Variants in F12 observed in about 807,000 individuals in gnomAD.
The protein encoded by F12 is Hageman factor.
Under a neutral mutation model 74.8 loss-of-function variants are expected in F12, and 70 were observed. The observed-to-expected ratio is 0.94, with a 90% CI of 0.77 to 1.14. The LOEUF (loss-of-function observed/expected upper bound fraction) is 1.14. F12 is among the 50% of genes most tolerant of loss of function. The pLI is 0.00. For synonymous variants in F12, 373 were observed against 356.4 expected (o/e 1.05, Z -0.52); for missense variants, 811 against 835.7 (o/e 0.97, Z 0.36).
rs767467911 is a variant in F12 at position 177,404,230 on chromosome 5, C to G, written c.984G>C (p.Thr328=). ...TCTGGGACTGAGGCGGGGTCCGGGTCGTGGGCTGAGGCTTCGGCGGTGCCG... is the reference window on the plus strand; with the variant it reads ...TCTGGGACTGAGGCGGGGTCCGGGTGGTGGGCTGAGGCTTCGGCGGTGCCG... The part of the protein sequence containing the change: ...AQPAPPKPQP[T]TRTPPQSQTP... Residue 328 remains threonine, a synonymous_variant, in exon 9 of 14, where the codon ACG becomes ACC. Coordinates refer to ENST00000253496, the MANE Select transcript of F12 (RefSeq NM_000505.4). 35 of 1,602,810 alleles carry G rather than the reference C, an allele frequency of 2.2e-5. No individual in the cohort carries two copies. In the South Asian group the frequency reaches 3.9e-4, roughly 18 times the overall value.
At chr5:177,402,992 T>C (rs1016795690) in intron 12 of F12, 8 of 669,740 alleles carry the variant, frequency 1.2e-5, no homozygotes, top group African/African-American at 5.5e-5. Flanking sequence ...GCGTCCTAGT[T>C]GGCCTTTGCA....
At chr5:177,404,969 C>T in intron 6 of F12, 55 bp from the exon 7 acceptor site, 1 of 1,586,564 alleles carries the variant, frequency 6.3e-7, no homozygotes, top group Non-Finnish European at 8.5e-7. Flanking sequence ...CCCCAGAGAG[C>T]TCTCCTTCCT....
chr5:177,402,677 A>G lies in F12; in HGVS notation c.1553T>C (p.Phe518Ser), dbSNP rs752701059. The change falls in exon 13 of 14, where the codon TTC (phenylalanine) becomes TCC (serine). Residue 518 changes from phenylalanine to serine, a missense_variant. Phe to Ser is a radical substitution (Grantham distance 155, BLOSUM62 -2). Coordinates refer to ENST00000253496, the MANE Select transcript of F12 (RefSeq NM_000505.4). ...QFEGAEEYASFLQEAQVPFLS... is the reference protein window; with the variant it reads ...QFEGAEEYASSLQEAQVPFLS... ...GAACGGTACCTGCGCCTCCTGCAGG[A>G]AGCTGGCATATTCCTCCGCCCCTGC... The G allele has an allele frequency of 3.2e-5, 52 of 1,611,996 alleles. No individual in the cohort carries two copies. The highest frequency in any genetic ancestry group is 4.2e-5 in the Non-Finnish European group (49 of 1,180,004).
intron 2 of F12, among the ~76,000 whole-genome samples, chr5:177,408,752 G>A (rs1763343556): frequency 6.6e-6 from 1 of 152,254 alleles, no homozygotes; most frequent in South Asian, 2.1e-4. Flanking sequence ...GACGTACTGG[G>A]GAAAGGAAAA....
At chr5:177,406,114 C>T (rs1763284625) in intron 2 of F12, 53 bp from the exon 3 acceptor site, 2 of 1,487,704 alleles carry the variant, frequency 1.3e-6, no homozygotes, top group Non-Finnish European at 1.9e-6. Flanking sequence ...ACTGCTCAGG[C>T]ACTGTCCCTC....
In F12 at chr5:177,405,336, G is replaced by T; in HGVS notation, c.384C>A (p.Asn128Lys). 3 of 1,614,132 alleles carry T rather than the reference G, an allele frequency of 1.9e-6. No homozygotes were observed. The South Asian group carries it at 3.3e-5, about 18-fold the overall frequency. ...ACATCTCCTCACCTTTCTGGCAGTG[G>T]TTTCCAGTGAGGTGTTGTGGACAGA... ...HCLCPQHLTG[N>K]HCQKEKCFEP... is the part of the protein sequence containing the mutation. Residue 128 changes from asparagine to lysine, a missense_variant, in exon 5 of 14, where the codon AAC (asparagine) becomes AAA (lysine). Transcript: ENST00000253496.
At position 177,404,579 on chromosome 5, in the gene F12, C is replaced by T. The variant is rs1429841456; in HGVS notation, c.720G>A (p.Pro240=). ...RTTLSGAPCQ[P]WASEATYRNV... is the part of the protein sequence containing the mutation. Reference sequence around the variant, plus strand: ...TCCGGTAGGTGGCCTCCGAGGCCCACGGCTGACAGGGCGCACCCGAGAGCG... The same window carrying T: ...TCCGGTAGGTGGCCTCCGAGGCCCATGGCTGACAGGGCGCACCCGAGAGCG... The change falls in exon 8 of 14, where the codon CCG becomes CCA. Residue 240 remains proline, a synonymous_variant. Coordinates refer to ENST00000253496, the MANE Select transcript of F12 (RefSeq NM_000505.4). 3 of 1,607,954 alleles carry T rather than the reference C, an allele frequency of 1.9e-6. No homozygotes were observed. Among genetic ancestry groups the T allele is most frequent in the East Asian group, 2.2e-5 (1 of 44,736 alleles).
Position 177,404,524 on chromosome 5 carries a change from C to T in F12, c.775G>A (p.Gly259Arg), listed in dbSNP as rs1763235664. 8.8e-6 allele frequency: 14 copies of T among 1,597,460 alleles called. No homozygotes were observed. Among genetic ancestry groups the T allele is most frequent in the Non-Finnish European group, 1.2e-5 (14 of 1,172,906 alleles). The change falls in exon 8 of 14, where the codon GGA becomes AGA. Residue 259 changes from glycine (G) to arginine (R), a missense_variant. By Grantham distance (125) the Gly-to-Arg change is moderately radical. Coordinates refer to ENST00000253496, the MANE Select transcript of F12 (RefSeq NM_000505.4). ...NVTAEQARNWGLGGHAFCRNP... is the reference protein window; with the variant it reads ...NVTAEQARNWRLGGHAFCRNP... ...CGGCAGAAGGCGTGGCCGCCCAGTC[C>T]CCAGTTCCGCGCTTGCTCGGCAGTC...
In F12 at chr5:177,402,466, C is replaced by G. The variant is rs367745133; in HGVS notation, c.1681-7G>C. On this transcript the variant is annotated splice_region_variant and splice_polypyrimidine_tract_variant and intron_variant, in intron 13 of 13. Transcript: ENST00000253496. ...GCGGGCCTCCGGAATCACCCTGGGT[C>G]GGAAACACGCAGCTCAGCGCTGTGG... The G allele has an allele frequency of 6.2e-7, 1 of 1,602,784 alleles. No homozygotes were observed. Among genetic ancestry groups the G allele is most frequent in the East Asian group, 2.3e-5 (1 of 43,998 alleles).
chr5:177,406,502 A>C (rs1433376872), intron 2 of F12, among the ~76,000 whole-genome samples: 2 of 152,098 alleles, frequency 1.3e-5, no homozygotes, highest in African/African-American at 4.8e-5. Context: ...GAAAAAAAAA[A>C]AAACTTGGGT....
At position 177,404,101 on chromosome 5, in the gene F12, G is replaced by A; in HGVS notation, c.1019-11C>T. 1 of 1,601,402 alleles carries A rather than the reference G, an allele frequency of 6.2e-7. No homozygotes were observed. The highest frequency in any genetic ancestry group is 1.7e-5 in the Admixed American group (1 of 58,986). ...GCTTCGCCGGCAAGGCTGTGGAGGA[G>A]CAGGGGCTGAGGACGGAGAGCCCGC... On this transcript the variant is annotated splice_polypyrimidine_tract_variant and intron_variant, in intron 9 of 13. Transcript: ENST00000253496.
chr5:177,404,898 C>A lies in F12; in HGVS notation c.546G>T (p.Pro182=). 6.2e-7 allele frequency: 1 copy of A among 1,605,604 alleles called. No homozygotes were observed. The highest frequency in any genetic ancestry group is 8.5e-7 in the Non-Finnish European group (1 of 1,177,696). Reference sequence around the variant, plus strand: ...CTAGGCAGCGACCCCCATGGAGGCACGGGTTGGTGCGGCAGGCTTGGGGAG... The same window carrying A: ...CTAGGCAGCGACCCCCATGGAGGCAAGGGTTGGTGCGGCAGGCTTGGGGAG... ...RLASQACRTN[P]CLHGGRCLEV... Residue 182 remains proline (P), a synonymous_variant, in exon 7 of 14, where the codon CCG becomes CCT. Coordinates refer to ENST00000253496, the MANE Select transcript of F12 (RefSeq NM_000505.4).
Position 177,402,543 on chromosome 5 carries a change from A to T in F12, c.1680+7T>A. ...GGGGAAGGGCGCCAACCGGGCTAAG[A>T]GCTCACCTGGCACGCATCGGTGCCG... On this transcript the variant is annotated splice_region_variant and intron_variant, in intron 13 of 13. Transcript: ENST00000253496. 3.1e-6 allele frequency: 5 copies of T among 1,609,892 alleles called. No individual in the cohort carries two copies. Among genetic ancestry groups the T allele is most frequent in the Non-Finnish European group, 4.2e-6 (5 of 1,178,592 alleles).
chr5:177,405,558 A>G (rs1763269619), intron 4 of F12, 125 bp from the exon 5 acceptor site: 1 of 1,249,770 alleles, frequency 8.0e-7, no homozygotes, highest in Non-Finnish European at 1.1e-6. Context: ...TGGTTTACCC[A>G]CCTGCAAAAT....
At chr5:177,405,899 CAGA>C in intron 3 of F12, 60 bp downstream of exon 3, 2 of 1,597,430 alleles carry the variant, frequency 1.3e-6, no homozygotes, top group Non-Finnish European at 1.7e-6. Context: ...GTTCCTTGGA[CAGA>C]AGGACAGGCA....
Position 177,409,481 on chromosome 5 carries a change from G to A in F12, c.47C>T (p.Ser16Leu). The A allele has an allele frequency of 6.2e-7, 1 of 1,614,018 alleles. No individual in the cohort carries two copies. The highest frequency in any genetic ancestry group is 8.5e-7 in the Non-Finnish European group (1 of 1,180,004). ...LLGFLLVSLE[S>L]TLSIPPWEAP... is the part of the protein sequence containing the mutation. The stretch of plus-strand genomic sequence containing the variant: ...TCCCACAGCACTCACCGAAAGTGTT[G>A]ACTCCAAGCTCACCAGCAGGAACCC... The change falls in exon 1 of 14, where the codon TCA becomes TTA. Residue 16 changes from serine to leucine, a missense_variant. Transcript: ENST00000253496.
At position 177,404,179 on chromosome 5, in the gene F12, C is replaced by G. The variant is rs767378029; in HGVS notation, c.1018+17G>C. 11 of 1,590,298 alleles carry G rather than the reference C, an allele frequency of 6.9e-6. No homozygotes were observed. The highest frequency in any genetic ancestry group is 7.7e-6 in the Non-Finnish European group (9 of 1,168,072). ...CGGCGCCCTCTCGGCTCCTCCTTCC[C>G]CCCCCCACTTCCTAACCTCCCGGGG... is the stretch of plus-strand genomic sequence containing the variant. On this transcript the variant is annotated intron_variant, in intron 9 of 13. Coordinates refer to ENST00000253496, the MANE Select transcript of F12 (RefSeq NM_000505.4).
intron 2 of F12, among the ~76,000 whole-genome samples, chr5:177,406,318 C>G (rs988236971): frequency 1.3e-5 from 2 of 152,146 alleles, no homozygotes; most frequent in Non-Finnish European, 2.9e-5. Context: ...GAAACCCCCT[C>G]TCTACTAAAA....
chr5:177,403,351 C>A lies in F12; in HGVS notation c.1434G>T (p.Leu478=). The A allele has an allele frequency of 6.3e-7, 1 of 1,598,972 alleles. No individual in the cohort carries two copies. The highest frequency in any genetic ancestry group is 8.5e-7 in the Non-Finnish European group (1 of 1,179,602). The change falls in exon 12 of 14, where the codon CTG becomes CTT. Residue 478 remains leucine (L), a synonymous_variant. Transcript: ENST00000253496. ...QEDADGSCAL[L]SPYVQPVCLP... ...GGCACACCGGCTGAACGTAAGGCGACAGGAGCGCGCAGCTGCCGTCCGCAT... is the reference window on the plus strand; with the variant it reads ...GGCACACCGGCTGAACGTAAGGCGAAAGGAGCGCGCAGCTGCCGTCCGCAT...
Sources: gnomAD v4.1 joint callset for allele counts (sites outside exome capture counted in the v4.1 genomes callset) on GRCh38, gnomAD v4.1.1 for gene constraint, MANE v1.5 for transcripts, NCBI Gene and HGNC (gene_info 2026-07-23, HGNC 2026-07-21) for gene names.